Variants in GLIS3 observed in about 807,000 individuals in gnomAD.
GLIS3 encodes zinc finger protein GLIS3.
Under a neutral mutation model 78.6 loss-of-function variants are expected in GLIS3, and 53 were observed. That is an observed-to-expected ratio of 0.67 (90% CI 0.54 to 0.85). The LOEUF is 0.85. GLIS3 is among the 40% of genes least tolerant of loss of function. The probability of loss-of-function intolerance (pLI) is 0.00; values close to 1 mark genes in which losing one functional copy is unlikely to be tolerated. For missense variants in GLIS3, 1,703 were observed against 1,231.1 expected (o/e 1.38, Z -5.74); for synonymous variants, 684 against 509.9 (o/e 1.34, Z -4.60).
At chr9:4,007,670 G>C (rs990582847) in intron 4 of GLIS3, among the ~76,000 whole-genome samples, 1 of 152,024 alleles carries the variant, frequency 6.6e-6, no homozygotes, top group Non-Finnish European at 1.5e-5. Context: ...ACCAATTTTT[G>C]TAGGCACACA....
chr9:4,319,390 T>C (rs1412758788), intron 2 of GLIS3, among the ~76,000 whole-genome samples: 2 of 152,214 alleles, frequency 1.3e-5, no homozygotes, highest in Non-Finnish European at 2.9e-5. Flanking sequence ...CTGGTGAATC[T>C]GGGTGAAGGT....
At chr9:4,126,393 C>T (rs1419115715) in intron 2 of GLIS3, among the ~76,000 whole-genome samples, 1 of 152,252 alleles carries the variant, frequency 6.6e-6, no homozygotes, top group South Asian at 2.1e-4. Context: ...CCAAAAAGTC[C>T]CTTCACAAGG....
chr9:4,237,727 T>A (rs939702870), intron 2 of GLIS3, among the ~76,000 whole-genome samples: 1 of 152,230 alleles, frequency 6.6e-6, no homozygotes, highest in Non-Finnish European at 1.5e-5. Context: ...TGTTTTGCAG[T>A]ATTTTCCCCA....
chr9:3,993,690 G>C (rs1222764406), intron 4 of GLIS3, among the ~76,000 whole-genome samples: 1 of 152,056 alleles, frequency 6.6e-6, no homozygotes, highest in African/African-American at 2.4e-5. Flanking sequence ...TCTATCATAA[G>C]ATTTTCCTCA....
At position 3,937,083 on chromosome 9, in the gene GLIS3, T is replaced by C; in HGVS notation, c.1817A>G (p.Lys606Arg). 2 of 1,613,852 alleles carry C rather than the reference T, an allele frequency of 1.2e-6. No homozygotes were observed. The highest frequency in any genetic ancestry group is 1.3e-5 in the African/African-American group (1 of 75,038). The change falls in exon 5 of 11, where the codon AAG becomes AGG. Residue 606 changes from lysine (K) to arginine (R), a missense_variant. Coordinates refer to ENST00000381971, the MANE Select transcript of GLIS3 (RefSeq NM_001042413.2). Reference protein sequence around the residue: ...PYLCQHPGCQKAFSNSSDRAK... With the variant: ...PYLCQHPGCQRAFSNSSDRAK... ...GCGGTCACTGGAGTTACTGAAGGCC[T>C]TCTGACAACCCGGATGCTGGCACAA...
chr9:4,390,791 A>G, the GLIS3 span, among the ~76,000 whole-genome samples: 1 of 152,106 alleles, frequency 6.6e-6, no homozygotes. Context: ...CTAACTTTCT[A>G]CCTTCCTTGG....
the GLIS3 span, among the ~76,000 whole-genome samples, chr9:4,401,320 T>C: frequency 1.3e-5 from 2 of 152,014 alleles, no homozygotes; most frequent in African/African-American, 4.8e-5. Flanking sequence ...AGTGCAATGG[T>C]GTGATCTCAG....
At chr9:3,831,282 C>G (rs866065149) in intron 9 of GLIS3, among the ~76,000 whole-genome samples, 1 of 152,084 alleles carries the variant, frequency 6.6e-6, no homozygotes, top group Non-Finnish European at 1.5e-5. Context: ...TTTTGATGCC[C>G]AAAGGCATGG....
At chr9:4,058,743 G>T (rs924908845) in intron 4 of GLIS3, among the ~76,000 whole-genome samples, 8 of 152,148 alleles carry the variant, frequency 5.3e-5, no homozygotes, top group Non-Finnish European at 1.0e-4. Flanking sequence ...CACTTTGGGA[G>T]GCCAAGGCGG....
At chr9:4,452,888 C>T in the GLIS3 span, among the ~76,000 whole-genome samples, 1 of 152,132 alleles carries the variant, frequency 6.6e-6, no homozygotes, top group South Asian at 2.1e-4. Context: ...AAGCTGGAGA[C>T]ATCATGCTAC....
the GLIS3 span, among the ~76,000 whole-genome samples, chr9:4,477,284 T>C: frequency 6.7e-6 from 1 of 148,188 alleles, no homozygotes; most frequent in Non-Finnish European, 1.5e-5. Flanking sequence ...CTAAACGACA[T>C]GATGCAAATT....
rs73641403 is a variant in GLIS3 at position 4,293,561 on chromosome 9, T to C, written c.-99+5860A>G. On this transcript the variant is annotated intron_variant, in intron 1 of 10. Coordinates refer to ENST00000381971, the MANE Select transcript of GLIS3 (RefSeq NM_001042413.2). The stretch of plus-strand genomic sequence containing the variant: ...AAGTTACAGACAGAAGTGGAATCTA[T>C]CGGTCATGCTGAAAAGGTTGGGAAA... Among the ~76,000 whole-genome samples the C allele has an allele frequency of 5.3e-3, 804 of 152,336 alleles. 12 individuals carry two copies. The highest frequency in any genetic ancestry group is 0.018 in the African/African-American group (767 of 41,574).
chr9:3,980,786 A>C (rs1203408546), intron 4 of GLIS3, among the ~76,000 whole-genome samples: 1 of 152,190 alleles, frequency 6.6e-6, no homozygotes, highest in Non-Finnish European at 1.5e-5. Context: ...ATCACTGTCC[A>C]GTTCTGCCTT....
chr9:4,299,957 C>G lies in GLIS3; in HGVS notation c.-635G>C, dbSNP rs1363002922. On this transcript the variant is annotated 5_prime_UTR_variant, in exon 1 of 11. Coordinates refer to ENST00000381971, the MANE Select transcript of GLIS3 (RefSeq NM_001042413.2). ...GCGGCACTCGCCGCCGGTGCCCGTG[C>G]GCGCCGCGCTCTGGGCTGCCCGGGC... 6.6e-6 allele frequency: 1 copy of G among 151,922 alleles called. No individual in the cohort carries two copies. Among genetic ancestry groups the G allele is most frequent in the African/African-American group, 2.4e-5 (1 of 41,346 alleles). The allele number at this position is 151,922 out of a possible 1,614,324, so 9.4% of individuals were successfully genotyped here.
chr9:4,273,616 TAAATAAATAAATAAATA>T (rs1183433725), intron 2 of GLIS3, among the ~76,000 whole-genome samples: 1 of 151,294 alleles, frequency 6.6e-6, no homozygotes. Flanking sequence ...AATAAATAAA[TAAATAAATAAATAAATA>T]AATGTATTTT....
At chr9:4,225,046 C>T (rs1313198484) in intron 2 of GLIS3, among the ~76,000 whole-genome samples, 2 of 151,732 alleles carry the variant, frequency 1.3e-5, no homozygotes, top group East Asian at 3.8e-4. Flanking sequence ...TCTCATTTGA[C>T]TTGCACAATA....
chr9:4,334,909 T>C (rs1817735610), intron 2 of GLIS3, among the ~76,000 whole-genome samples: 1 of 143,926 alleles, frequency 6.9e-6, no homozygotes, highest in African/African-American at 2.6e-5. Flanking sequence ...TCCACCTTTT[T>C]TTTTTTTTTT....
intron 4 of GLIS3, among the ~76,000 whole-genome samples, chr9:3,957,570 G>A (rs1817218616): frequency 6.6e-6 from 1 of 152,176 alleles, no homozygotes; most frequent in Non-Finnish European, 1.5e-5. Flanking sequence ...TAGAAAATTA[G>A]ATCCTCAGCC....
chr9:4,252,013 C>T (rs1183730660), intron 2 of GLIS3, among the ~76,000 whole-genome samples: 1 of 152,146 alleles, frequency 6.6e-6, no homozygotes. Context: ...GGTAACCGGA[C>T]CTTTCTCTCT....
Sources: allele counts gnomAD v4.1 joint callset (sites outside exome capture counted in the v4.1 genomes callset), GRCh38; gene constraint gnomAD v4.1.1; transcripts MANE v1.5; gene names NCBI Gene and HGNC (gene_info 2026-07-23, HGNC 2026-07-21).